The following THEMIS variants were observed in gnomAD, a reference collection of about 807,000 sequenced individuals.
THEMIS encodes protein THEMIS.
A neutral mutation model predicts 52.6 loss-of-function variants in THEMIS; 37 were observed. The observed-to-expected ratio is 0.70, with a 90% CI of 0.54 to 0.93. The LOEUF (loss-of-function observed/expected upper bound fraction) is 0.93. Ranked by LOEUF, THEMIS falls within the 40% of genes least tolerant of loss-of-function variation. The pLI is 0.00. For missense variants in THEMIS, 808 were observed against 763.1 expected, an observed-to-expected ratio of 1.06 and a Z score of -0.69; for synonymous variants, 292 against 272.7, an observed-to-expected ratio of 1.07 and a Z score of -0.70.
chr6:127,741,725 G>T (rs1316644023), intron 4 of THEMIS, among the ~76,000 whole-genome samples: 16 of 152,134 alleles, frequency 1.1e-4, no homozygotes, highest in Admixed American at 1.0e-3. Context: ...TTCTTAATCT[G>T]CAATATAAGA....
chr6:127,795,456 G>A (rs555317752), intron 4 of THEMIS, among the ~76,000 whole-genome samples: 2 of 152,224 alleles, frequency 1.3e-5, no homozygotes, highest in African/African-American at 4.8e-5. Context: ...AGCCTCCTGA[G>A]TCGCTGAGAC....
Position 127,709,191 on chromosome 6 carries a change from C to A in THEMIS, c.*794G>T, listed in dbSNP as rs1021716907. 3 of 151,904 alleles carry A rather than the reference C, an allele frequency of 2.0e-5. No homozygotes were observed. The highest frequency in any genetic ancestry group is 7.2e-5 in the African/African-American group (3 of 41,386). 9.4% of individuals were successfully genotyped at this position (151,904 alleles called of 1,614,324 possible). On this transcript the variant is annotated 3_prime_UTR_variant, in exon 6 of 6. Coordinates refer to ENST00000368248, the MANE Select transcript of THEMIS (RefSeq NM_001010923.3). Reference sequence around the variant, plus strand: ...ATTTATTATATTACAATTTTATTGTCTTTTTCTTTCCATCAAATATTATGA... The same window carrying A: ...ATTTATTATATTACAATTTTATTGTATTTTTCTTTCCATCAAATATTATGA...
At chr6:127,902,339 A>AAAAT (rs1781161572), upstream of THEMIS, among the ~76,000 whole-genome samples, 1 of 147,136 alleles carries the variant, frequency 6.8e-6, no homozygotes, top group Non-Finnish European at 1.5e-5. Context: ...AAAAAAAAAA[A>AAAAT]AAAAAATAAA....
intron 2 of THEMIS, among the ~76,000 whole-genome samples, chr6:127,833,940 C>A (rs1778786589): frequency 6.6e-6 from 1 of 152,004 alleles, no homozygotes; most frequent in Non-Finnish European, 1.5e-5. Context: ...TTCTATAAAT[C>A]TATCAAAGCA....
upstream of THEMIS, among the ~76,000 whole-genome samples, chr6:127,903,282 A>G (rs1166117080): frequency 1.3e-5 from 2 of 152,066 alleles, no homozygotes; most frequent in Non-Finnish European, 2.9e-5. Context: ...GTGAGCAGCC[A>G]AGTTAAGGTT....
chr6:127,872,284 CT>C (rs1780179977), intron 1 of THEMIS, among the ~76,000 whole-genome samples: 1 of 152,024 alleles, frequency 6.6e-6, no homozygotes. Context: ...AAAAAACAAA[CT>C]CTTACGCTGG....
intron 1 of THEMIS, among the ~76,000 whole-genome samples, chr6:127,912,359 C>T (rs181052766): frequency 1.1e-4 from 16 of 152,038 alleles, no homozygotes; most frequent in South Asian, 4.2e-4. Flanking sequence ...CAGATGAGGC[C>T]GAAACTGCTA....
chr6:127,763,157 T>G (rs1385851998), intron 4 of THEMIS, among the ~76,000 whole-genome samples: 1 of 151,924 alleles, frequency 6.6e-6, no homozygotes, highest in Non-Finnish European at 1.5e-5. Context: ...CTGATTTCCA[T>G]GAATAACTTG....
At chr6:127,739,607 G>C (rs1480207397) in intron 4 of THEMIS, among the ~76,000 whole-genome samples, 5 of 152,102 alleles carry the variant, frequency 3.3e-5, no homozygotes, top group East Asian at 1.9e-4. Flanking sequence ...ACCACTGCAC[G>C]CTAGCCTGGG....
chr6:127,783,975 T>C (rs1583273167), intron 4 of THEMIS, among the ~76,000 whole-genome samples: 1 of 152,144 alleles, frequency 6.6e-6, no homozygotes, highest in Admixed American at 6.5e-5. Context: ...AGAAAAGACT[T>C]GGAACCAACC....
At chr6:127,870,681 G>A (rs913282290) in intron 1 of THEMIS, among the ~76,000 whole-genome samples, 9 of 152,094 alleles carry the variant, frequency 5.9e-5, no homozygotes, top group African/African-American at 2.2e-4. Context: ...GAAAGCAGAA[G>A]CAGCAATATC....
chr6:127,709,298 A>C lies in THEMIS; in HGVS notation c.*687T>G, dbSNP rs111838721. On this transcript the variant is annotated 3_prime_UTR_variant, in exon 6 of 6. Coordinates refer to ENST00000368248, the MANE Select transcript of THEMIS (RefSeq NM_001010923.3). ...TACATAGCACATAGAATATTAAGAC[A>C]TCGTCTCAGAAATCTGGTGAAATTT... 2.0e-5 allele frequency: 3 copies of C among 152,068 alleles called. No individual in the cohort carries two copies. The highest frequency in any genetic ancestry group is 1.3e-4 in the Admixed American group (2 of 15,244). The allele number at this position is 152,068 out of a possible 1,614,324, so 9.4% of individuals were successfully genotyped here. A position where few individuals can be genotyped will look rare whatever the true frequency, so the allele number is the denominator to read the frequency against.
intron 1 of THEMIS, among the ~76,000 whole-genome samples, chr6:127,879,808 A>C (rs1191648659): frequency 6.6e-6 from 1 of 152,004 alleles, no homozygotes; most frequent in Non-Finnish European, 1.5e-5. Flanking sequence ...ACTGGATCCT[A>C]ACCAAGCTGG....
At chr6:127,879,541 C>A (rs949904978) in intron 1 of THEMIS, among the ~76,000 whole-genome samples, 3 of 146,600 alleles carry the variant, frequency 2.0e-5, no homozygotes, top group Non-Finnish European at 3.0e-5. Flanking sequence ...TTGATAATGG[C>A]TGAAATAATT....
At chr6:127,735,193 G>C (rs1362007590) in intron 4 of THEMIS, among the ~76,000 whole-genome samples, 1 of 151,910 alleles carries the variant, frequency 6.6e-6, no homozygotes, top group Non-Finnish European at 1.5e-5. Flanking sequence ...AATAGACAGG[G>C]ACTAAGGTGG....
At chr6:127,836,467 CA>C (rs1269432490) in intron 2 of THEMIS, among the ~76,000 whole-genome samples, 2 of 151,800 alleles carry the variant, frequency 1.3e-5, no homozygotes, top group African/African-American at 2.4e-5. Flanking sequence ...ATGCAGTGTT[CA>C]AAAAAATCTG....
At chr6:127,909,898 C>T (rs932305371) in intron 1 of THEMIS, 6 of 152,128 alleles carry the variant, frequency 3.9e-5, no homozygotes, top group African/African-American at 1.4e-4. Context: ...AAAAGTACTC[C>T]TATTTTACAA....
intron 4 of THEMIS, among the ~76,000 whole-genome samples, chr6:127,795,377 G>A (rs533103491): frequency 1.3e-5 from 2 of 152,260 alleles, no homozygotes; most frequent in African/African-American, 4.8e-5. Flanking sequence ...CACCCAGGCT[G>A]GAGTGCAGTG....
At chr6:127,899,273 T>C (rs2114499400) in intron 1 of THEMIS, among the ~76,000 whole-genome samples, 1 of 151,974 alleles carries the variant, frequency 6.6e-6, no homozygotes, top group African/African-American at 2.4e-5. Context: ...ATTTTTAAAG[T>C]CTATGAATAT....
Sources: gnomAD v4.1 joint callset for allele counts (sites outside exome capture counted in the v4.1 genomes callset) on GRCh38, gnomAD v4.1.1 for gene constraint, MANE v1.5 for transcripts, NCBI Gene and HGNC (gene_info 2026-07-23, HGNC 2026-07-21) for gene names.